MYH2: variants seen among roughly 807,000 people sequenced by gnomAD.
MYH2 encodes myosin-2.
A neutral mutation model predicts 228.1 loss-of-function variants in MYH2; 139 were observed. The observed-to-expected ratio is 0.61, with a 90% confidence interval of 0.53 to 0.70. MYH2 has a LOEUF of 0.70. Ranked by LOEUF, MYH2 falls within the 30% of genes least tolerant of loss-of-function variation. MYH2 has a pLI of 0.00. For missense variants in MYH2, 1,809 were observed against 2,357.5 expected (o/e 0.77, Z 4.82); for synonymous variants, 796 against 871.1 (o/e 0.91, Z 1.52).
In MYH2 at chr17:10,524,785, T is replaced by C. The variant is rs2073329552; in HGVS notation, c.4943A>G (p.Asn1648Ser). 1.2e-6 allele frequency: 2 copies of C among 1,614,190 alleles called. No homozygotes were observed. Among genetic ancestry groups the C allele is most frequent in the East Asian group, 2.2e-5 (1 of 44,872 alleles). ...ANRMAAEALR[N>S]YRNTQGILKD... ...GAGGATGCCTTGGGTGTTCCTGTAG[T>C]TCCTCAGGGCCTCAGCAGCCATGCG... Residue 1648 changes from asparagine to serine, a missense_variant, in exon 34 of 40, where the codon AAC becomes AGC. Transcript: ENST00000245503. The surrounding 1 kb of genome is among the most constrained non-coding windows in gnomAD (Gnocchi z 4.7).
chr17:10,522,899 A>T lies in MYH2; in HGVS notation c.5673+191T>A, dbSNP rs12937587. On this transcript the variant is annotated intron_variant, in intron 39 of 39. Coordinates refer to ENST00000245503, the MANE Select transcript of MYH2 (RefSeq NM_017534.6). ...ATTTCTGCTTTTAATTTTTTTCAGG[A>T]TTCTTGGTGGATTGAAAGTTTACTT... Among the ~76,000 whole-genome samples the T allele has an allele frequency of 0.065, 9,857 of 152,052 alleles. 352 individuals are homozygous for T. Among genetic ancestry groups the T allele is most frequent in the South Asian group, 0.13 (603 of 4,808 alleles).
chr17:10,531,725 G>A lies in MYH2; in HGVS notation c.2605C>T (p.Leu869Phe). 4 of 1,614,146 alleles carry A rather than the reference G, an allele frequency of 2.5e-6. No homozygotes were observed. Among genetic ancestry groups the A allele is most frequent in the Non-Finnish European group, 3.4e-6 (4 of 1,180,010 alleles). ...TTCCTTTTTGCCTCTGACTTGGCAAGTTCGTCTTTAATTTTCTGAAATTCT... is the reference window on the plus strand; with the variant it reads ...TTCCTTTTTGCCTCTGACTTGGCAAATTCGTCTTTAATTTTCTGAAATTCT... ...KEEFQKIKDE[L>F]AKSEAKRKEL... is the part of the protein sequence containing the mutation. Residue 869 changes from leucine to phenylalanine, a missense_variant, in exon 22 of 40, where the codon CTT becomes TTT. By Grantham distance (22) the Leu-to-Phe change is conservative. Coordinates refer to ENST00000245503, the MANE Select transcript of MYH2 (RefSeq NM_017534.6).
At position 10,543,081 on chromosome 17, in the gene MYH2, G is replaced by A. The variant is rs1489871964; in HGVS notation, c.805+17C>T. Reference sequence around the variant, plus strand: ...CATATGAATCAGAAATGATTTTAAAGATATCTGAACACTTACATGTTTCAA... The same window carrying A: ...CATATGAATCAGAAATGATTTTAAAAATATCTGAACACTTACATGTTTCAA... On this transcript the variant is annotated intron_variant, in intron 9 of 39. Coordinates refer to ENST00000245503, the MANE Select transcript of MYH2 (RefSeq NM_017534.6). 1 of 1,606,448 alleles carries A rather than the reference G, an allele frequency of 6.2e-7. No individual in the cohort carries two copies. The highest frequency in any genetic ancestry group is 1.1e-5 in the South Asian group (1 of 90,852).
intron 39 of MYH2, among the ~76,000 whole-genome samples, chr17:10,522,738 T>G (rs2073300251): frequency 6.6e-6 from 1 of 152,148 alleles, no homozygotes; most frequent in African/African-American, 2.4e-5. Flanking sequence ...TAATTATGTT[T>G]TTATTTTTAC....
Position 10,527,868 on chromosome 17 carries a change from G to A in MYH2, c.3751C>T (p.Leu1251=). Residue 1251 remains leucine, a synonymous_variant, in exon 28 of 40, where the codon CTA becomes TTA. Transcript: ENST00000245503. Reference sequence around the variant, plus strand: ...TCTAGAGTCCGGCACATTTTCTCTAGGTTTCCCTATAGAAGAAAAAGTAAA... The same window carrying A: ...TCTAGAGTCCGGCACATTTTCTCTAAGTTTCCCTATAGAAGAAAAAGTAAA... ...VETVSKAKGN[L]EKMCRTLEDQ... The A allele has an allele frequency of 6.2e-7, 1 of 1,613,170 alleles. No homozygotes were observed. Among genetic ancestry groups the A allele is most frequent in the Non-Finnish European group, 8.5e-7 (1 of 1,179,974 alleles).
chr17:10,530,172 A>G (rs567219222), intron 22 of MYH2, 98 bp from the exon 23 acceptor site: 112 of 1,603,168 alleles, frequency 7.0e-5, no homozygotes, highest in Admixed American at 5.7e-4. Context: ...TGAATTTCCT[A>G]TATTCATTTG....
At chr17:10,528,548 TA>T in intron 27 of MYH2, 141 bp downstream of exon 27, 5 of 1,300,180 alleles carry the variant, frequency 3.8e-6, no homozygotes, top group Non-Finnish European at 4.2e-6. Context: ...GTTGAAATAA[TA>T]AAAAATGCTG....
chr17:10,541,459 G>C (rs778636337), intron 10 of MYH2, among the ~76,000 whole-genome samples: 3 of 152,132 alleles, frequency 2.0e-5, no homozygotes, highest in Non-Finnish European at 4.4e-5. Flanking sequence ...ATTTTAATCA[G>C]ACCGGTTGTC....
chr17:10,533,188 C>T, intron 21 of MYH2, 97 bp downstream of exon 21: 1 of 1,544,756 alleles, frequency 6.5e-7, no homozygotes, highest in Non-Finnish European at 8.9e-7. Flanking sequence ...TTATTCATTT[C>T]TTCTTTAGTG....
rs756308878 is a variant in MYH2 at position 10,529,015 on chromosome 17, T to G, written c.3419A>C (p.Lys1140Thr). The G allele has an allele frequency of 1.9e-6, 3 of 1,614,210 alleles. No individual in the cohort carries two copies. Among genetic ancestry groups the G allele is most frequent in the Non-Finnish European group, 2.5e-6 (3 of 1,180,026 alleles). The change falls in exon 27 of 40, where the codon AAG becomes ACG. Residue 1140 changes from lysine to threonine, a missense_variant. Lys to Thr is a moderately conservative substitution (Grantham distance 78, BLOSUM62 -1). This residue lies in a region of MYH2 where 636 missense variants were observed against 729.9 expected (regional missense o/e 0.87). Transcript: ENST00000245503. ...AERASRAKAEKQRSDLSRELE... is the reference protein window; with the variant it reads ...AERASRAKAETQRSDLSRELE... ...CTCCCGGGAGAGGTCAGAGCGCTGC[T>G]TCTCTGCTTTGGCCCGGGAGGCCCG...
At chr17:10,540,755 G>C (rs1421781294) in intron 10 of MYH2, 58 bp from the exon 11 acceptor site, 2 of 1,444,288 alleles carry the variant, frequency 1.4e-6, no homozygotes, top group Non-Finnish European at 1.9e-6. Context: ...TAAAACAAGA[G>C]ATTTCTAGAC....
In MYH2 at chr17:10,543,094, T is replaced by A. The variant is rs747226428; in HGVS notation, c.805+4A>T. The A allele has an allele frequency of 1.3e-5, 21 of 1,610,356 alleles. No homozygotes were observed. Among genetic ancestry groups the A allele is most frequent in the Non-Finnish European group, 1.8e-5 (21 of 1,176,976 alleles). ...AATGATTTTAAAGATATCTGAACAC[T>A]TACATGTTTCAATATCAGCAGATGC... On this transcript the variant is annotated splice_donor_region_variant and intron_variant, in intron 9 of 39. Coordinates refer to ENST00000245503, the MANE Select transcript of MYH2 (RefSeq NM_017534.6).
chr17:10,539,487 T>C lies in MYH2; in HGVS notation c.1223A>G (p.Lys408Arg), dbSNP rs775814087. 3.1e-6 allele frequency: 5 copies of C among 1,614,130 alleles called. No individual in the cohort carries two copies. The highest frequency in any genetic ancestry group is 4.2e-6 in the Non-Finnish European group (5 of 1,180,058). ...LLKALCYPRV[K>R]VGNEYVTKGQ... ...TTTGGTGACATACTCATTGCCGACCTTGACCCTGGGGTAGCAGAGAGCTTT... is the reference window on the plus strand; with the variant it reads ...TTTGGTGACATACTCATTGCCGACCCTGACCCTGGGGTAGCAGAGAGCTTT... The change falls in exon 13 of 40, where the codon AAG becomes AGG. Residue 408 changes from lysine (K) to arginine (R), a missense_variant. Physicochemically the swap from Lys to Arg is conservative, Grantham distance 26. This residue lies in a region of MYH2 where 373 missense variants were observed against 620.4 expected (regional missense o/e 0.60). Transcript: ENST00000245503.
Position 10,547,623 on chromosome 17 carries a change from T to G in MYH2, c.205-5A>C. On this transcript the variant is annotated splice_region_variant and splice_polypyrimidine_tract_variant and intron_variant, in intron 3 of 39. Coordinates refer to ENST00000245503, the MANE Select transcript of MYH2 (RefSeq NM_017534.6). ...ATCATCCTTCACTGTCAGAGTCTGGTAAACAGGAAAGATAACCGTTTACAT... is the reference window on the plus strand; with the variant it reads ...ATCATCCTTCACTGTCAGAGTCTGGGAAACAGGAAAGATAACCGTTTACAT... 1 of 1,614,194 alleles carries G rather than the reference T, an allele frequency of 6.2e-7. No homozygotes were observed. Among genetic ancestry groups the G allele is most frequent in the Non-Finnish European group, 8.5e-7 (1 of 1,180,014 alleles).
intron 8 of MYH2, 103 bp downstream of exon 8, chr17:10,543,608 A>T (rs1352160451): frequency 6.7e-7 from 1 of 1,494,682 alleles, no homozygotes; most frequent in East Asian, 2.3e-5. Context: ...AAGAACAATG[A>T]TGTAATAGAA....
chr17:10,542,850 G>A, intron 10 of MYH2, 25 bp downstream of exon 10: 1 of 1,495,078 alleles, frequency 6.7e-7, no homozygotes, highest in Non-Finnish European at 9.3e-7. Flanking sequence ...CAGTAATTCT[G>A]GAAAAGAATT....
intron 22 of MYH2, among the ~76,000 whole-genome samples, chr17:10,530,533 AT>A (rs374060378): frequency 1.4e-3 from 208 of 148,652 alleles, no homozygotes; most frequent in African/African-American, 2.1e-3. Flanking sequence ...GCTGCTACTG[AT>A]TTTTTTTTTT....
chr17:10,537,197 A>G lies in MYH2; in HGVS notation c.1897+36T>C, dbSNP rs1331389789. 1 of 1,612,760 alleles carries G rather than the reference A, an allele frequency of 6.2e-7. No homozygotes were observed. The highest frequency in any genetic ancestry group is 1.7e-5 in the Admixed American group (1 of 60,014). On this transcript the variant is annotated intron_variant, in intron 16 of 39. Coordinates refer to ENST00000245503, the MANE Select transcript of MYH2 (RefSeq NM_017534.6). The surrounding 1 kb of genome is among the most constrained non-coding windows in gnomAD (Gnocchi z 4.0). The stretch of plus-strand genomic sequence containing the variant: ...GCTTCAATTTAACATCACATTTTGT[A>G]ATACCTAGAGAGTATTATTAACATT...
At chr17:10,547,404 G>T in intron 4 of MYH2, 71 bp downstream of exon 4, 1 of 1,582,928 alleles carries the variant, frequency 6.3e-7, no homozygotes. Context: ...ACCTATTTAT[G>T]CTCAGTGGAA....
Sources: allele counts gnomAD v4.1 joint callset (sites outside exome capture counted in the v4.1 genomes callset), GRCh38; gene constraint gnomAD v4.1.1; regional missense constraint gnomAD v4.1.1; non-coding constraint Gnocchi (gnomAD v3.1); transcripts MANE v1.5; gene names NCBI Gene and HGNC (gene_info 2026-07-23, HGNC 2026-07-21).